Variants in OR6C3 observed in about 807,000 individuals in gnomAD.
OR6C3 encodes olfactory receptor 6C3.
For missense variants in OR6C3, 487 were observed against 364.6 expected (o/e 1.34, Z -2.73); for synonymous variants, 177 against 137.4 (o/e 1.29, Z -2.02).
At position 55,332,565 on chromosome 12, in the gene OR6C3, C is replaced by T. The variant is rs1193896664; in HGVS notation, c.865C>T (p.Leu289=). The T allele has an allele frequency of 6.2e-7, 1 of 1,612,236 alleles. No homozygotes were observed. Residue 289 remains leucine, a synonymous_variant, in exon 2 of 2, where the codon CTG becomes TTG. Coordinates refer to ENST00000641740, the MANE Select transcript of OR6C3 (RefSeq NM_001388498.1). ...APMLNPFIYT[L]RNQQVKQAFK... is the part of the protein sequence containing the mutation. ...CATGCTGAACCCCTTCATTTACACT[C>T]TGAGAAACCAGCAAGTAAAACAAGC...
rs1314177003 is a variant in OR6C3 at position 55,332,240 on chromosome 12, C to T, written c.540C>T (p.Pro180=). ...ATCACTTTGCATGTGACTATTTTCC[C>T]CTCTTACAACTATCTTGTTCAGATA... ...VIDHFACDYF[P]LLQLSCSDTW... Residue 180 remains proline, a synonymous_variant, in exon 2 of 2, where the codon CCC becomes CCT. Transcript: ENST00000641740. The T allele has an allele frequency of 6.2e-7, 1 of 1,614,076 alleles. No homozygotes were observed. The highest frequency in any genetic ancestry group is 1.7e-5 in the Admixed American group (1 of 60,020).
chr12:55,331,737 G>A lies in OR6C3; in HGVS notation c.37G>A (p.Gly13Ser), dbSNP rs1231190801. The A allele has an allele frequency of 1.9e-6, 3 of 1,613,596 alleles. No homozygotes were observed. The highest frequency in any genetic ancestry group is 2.5e-6 in the Non-Finnish European group (3 of 1,179,706). The change falls in exon 2 of 2, where the codon GGC becomes AGC. Residue 13 changes from glycine (G) to serine (S), a missense_variant. Transcript: ENST00000641740. The part of the protein sequence containing the change: ...HTMVTEFVLL[G>S]LSDDPDLQIV... ...AATGGTCACAGAGTTTGTCCTCCTG[G>A]GCCTTTCTGATGATCCTGACCTTCA...
chr12:55,332,250 C>T lies in OR6C3; in HGVS notation c.550C>T (p.Leu184=), dbSNP rs757938669. 1 of 1,613,994 alleles carries T rather than the reference C, an allele frequency of 6.2e-7. No homozygotes were observed. Among genetic ancestry groups the T allele is most frequent in the African/African-American group, 1.3e-5 (1 of 74,932 alleles). Reference sequence around the variant, plus strand: ...ATGTGACTATTTTCCCCTCTTACAACTATCTTGTTCAGATACATGGCTCCT... The same window carrying T: ...ATGTGACTATTTTCCCCTCTTACAATTATCTTGTTCAGATACATGGCTCCT... ...FACDYFPLLQ[L]SCSDTWLLEV... is the part of the protein sequence containing the mutation. Residue 184 remains leucine, a synonymous_variant, in exon 2 of 2, where the codon CTA becomes TTA. Coordinates refer to ENST00000641740, the MANE Select transcript of OR6C3 (RefSeq NM_001388498.1).
rs762156149 is a variant in OR6C3, at chr12:55,332,110, T to C, written c.410T>C (p.Leu137Pro). 6.2e-6 allele frequency: 10 copies of C among 1,614,180 alleles called. No individual in the cohort carries two copies. In the South Asian group the frequency reaches 1.1e-4, roughly 18 times the overall value. ...LHYTSIMNRK[L>P]CTLLVLCAWL... is the part of the protein sequence containing the mutation. ...TACACATCCATCATGAACAGGAAAC[T>C]CTGCACTCTACTTGTGCTGTGTGCC... is the stretch of plus-strand genomic sequence containing the variant. The change falls in exon 2 of 2, where the codon CTC becomes CCC. Residue 137 changes from leucine to proline, a missense_variant. Transcript: ENST00000641740.
chr12:55,332,299 C>T lies in OR6C3; in HGVS notation c.599C>T (p.Ala200Val), dbSNP rs771109423. 9.9e-6 allele frequency: 16 copies of T among 1,613,984 alleles called. No individual in the cohort carries two copies. In the South Asian group the frequency reaches 1.5e-4, roughly 16 times the overall value. The change falls in exon 2 of 2, where the codon GCT (alanine) becomes GTT (valine). Residue 200 changes from alanine (A) to valine (V), a missense_variant. Ala to Val is a moderately conservative substitution (Grantham distance 64). Transcript: ENST00000641740. ...CTAGAAGTAATTGGTTTTTACTTTG[C>T]TTTGGTTACTTTGCTGTTCACTTTG... ...WLLEVIGFYF[A>V]LVTLLFTLAL... is the part of the protein sequence containing the mutation.
intron 1 of OR6C3, among the ~76,000 whole-genome samples, 197 bp downstream of exon 1, chr12:55,331,004 C>T (rs575530022): frequency 4.0e-5 from 6 of 151,554 alleles, no homozygotes; most frequent in African/African-American, 1.5e-4. Context: ...GAACATGTTC[C>T]CTATTTGTTG....
In OR6C3 at chr12:55,332,257, G is replaced by A. The variant is rs1444405782; in HGVS notation, c.557G>A (p.Cys186Tyr). Residue 186 changes from cysteine to tyrosine, a missense_variant, in exon 2 of 2, where the codon TGT becomes TAT. Coordinates refer to ENST00000641740, the MANE Select transcript of OR6C3 (RefSeq NM_001388498.1). ...TATTTTCCCCTCTTACAACTATCTT[G>A]TTCAGATACATGGCTCCTAGAAGTA... ...CDYFPLLQLS[C>Y]SDTWLLEVIG... 5 of 1,613,898 alleles carry A rather than the reference G, an allele frequency of 3.1e-6. No individual in the cohort carries two copies. The highest frequency in any genetic ancestry group is 1.7e-5 in the Admixed American group (1 of 60,002).
intron 1 of OR6C3, 146 bp from the exon 2 acceptor site, chr12:55,331,511 T>A (rs1418117226): frequency 3.5e-5 from 17 of 482,458 alleles, no homozygotes; most frequent in Non-Finnish European, 5.1e-5. Context: ...TAGAAAAAAA[T>A]ATTAAAACAT....
upstream of OR6C3, among the ~76,000 whole-genome samples, chr12:55,330,565 T>C (rs530615783): frequency 2.6e-5 from 4 of 152,290 alleles, no homozygotes; most frequent in South Asian, 6.2e-4. Context: ...ATCTATAGAA[T>C]AGAACATCCA....
intron 1 of OR6C3, among the ~76,000 whole-genome samples, chr12:55,331,206 GAAT>G (rs1868830850): frequency 6.6e-6 from 1 of 151,506 alleles, no homozygotes; most frequent in Non-Finnish European, 1.5e-5. Flanking sequence ...ATCATAAAAA[GAAT>G]AATGGGTTAT....
chr12:55,332,455 G>A lies in OR6C3; in HGVS notation c.755G>A (p.Cys252Tyr), dbSNP rs1398139522. ...MIVISISYGSCIFMYANPSAK... is the reference protein window; with the variant it reads ...MIVISISYGSYIFMYANPSAK... ...GTCATTTCCATTTCTTATGGAAGCT[G>A]TATATTCATGTATGCTAATCCATCT... The change falls in exon 2 of 2, where the codon TGT becomes TAT. Residue 252 changes from cysteine to tyrosine, a missense_variant. Physicochemically the swap from Cys to Tyr is radical, Grantham distance 194. Coordinates refer to ENST00000641740, the MANE Select transcript of OR6C3 (RefSeq NM_001388498.1). The A allele has an allele frequency of 3.1e-6, 5 of 1,613,820 alleles. No individual in the cohort carries two copies. Among genetic ancestry groups the A allele is most frequent in the South Asian group, 1.1e-5 (1 of 91,078 alleles).
rs375734779 is a variant in OR6C3 at position 55,331,719 on chromosome 12, A to G, written c.19A>G (p.Thr7Ala). The G allele has an allele frequency of 1.4e-5, 22 of 1,612,400 alleles. No individual in the cohort carries two copies. The highest frequency in any genetic ancestry group is 1.9e-5 in the Non-Finnish European group (22 of 1,178,792). The change falls in exon 2 of 2, where the codon ACA becomes GCA. Residue 7 changes from threonine (T) to alanine (A), a missense_variant. By Grantham distance (58) the Thr-to-Ala change is moderately conservative. Coordinates refer to ENST00000641740, the MANE Select transcript of OR6C3 (RefSeq NM_001388498.1). MNHTMV[T>A]EFVLLGLSDD... The stretch of plus-strand genomic sequence containing the variant: ...ACGAGACATGAACCACACAATGGTC[A>G]CAGAGTTTGTCCTCCTGGGCCTTTC...
intron 1 of OR6C3, among the ~76,000 whole-genome samples, chr12:55,331,159 T>C (rs557515577): frequency 4.2e-4 from 63 of 151,628 alleles, no homozygotes; most frequent in African/African-American, 1.4e-3. Flanking sequence ...TATAAATATA[T>C]GTTTTATTTG....
Position 55,331,780 on chromosome 12 carries a change from T to A in OR6C3, c.80T>A (p.Phe27Tyr). 2 of 1,613,902 alleles carry A rather than the reference T, an allele frequency of 1.2e-6. No homozygotes were observed. Among genetic ancestry groups the A allele is most frequent in the Non-Finnish European group, 1.7e-6 (2 of 1,179,806 alleles). Residue 27 changes from phenylalanine to tyrosine, a missense_variant, in exon 2 of 2, where the codon TTT (phenylalanine) becomes TAT (tyrosine). Phe to Tyr is a conservative substitution (Grantham distance 22). Transcript: ENST00000641740. ...DPDLQIVIFL[F>Y]LFITYILSVT... ...GACCTTCAGATTGTGATTTTTCTCTTTTTATTTATCACGTATATATTAAGT... is the reference window on the plus strand; with the variant it reads ...GACCTTCAGATTGTGATTTTTCTCTATTTATTTATCACGTATATATTAAGT...
At position 55,331,783 on chromosome 12, in the gene OR6C3, T is replaced by TA; in HGVS notation, c.84dup (p.Phe29IlefsTer59). On this transcript the variant is annotated frameshift_variant, in exon 2 of 2. Transcript: ENST00000641740. LOFTEE classifies it low-confidence loss of function (END_TRUNC). ...CTTCAGATTGTGATTTTTCTCTTTT[T>TA]ATTTATCACGTATATATTAAGTGTT... The TA allele has an allele frequency of 6.2e-7, 1 of 1,613,828 alleles. No homozygotes were observed. Among genetic ancestry groups the TA allele is most frequent in the South Asian group, 1.1e-5 (1 of 91,068 alleles).
chr12:55,330,993 C>T lies in OR6C3; in HGVS notation c.-45+186C>T, dbSNP rs183880689. Among the ~76,000 whole-genome samples the T allele has an allele frequency of 4.4e-3, 669 of 151,748 alleles. 3 individuals carry two copies. Among genetic ancestry groups the T allele is most frequent in the African/African-American group, 0.015 (635 of 41,424 alleles). ...ATTATAAGACAAACCAATAAGTAAGCGAACATGTTCCCTATTTGTTGAGTA... is the reference window on the plus strand; with the variant it reads ...ATTATAAGACAAACCAATAAGTAAGTGAACATGTTCCCTATTTGTTGAGTA... On this transcript the variant is annotated intron_variant, in intron 1 of 1. Transcript: ENST00000641740.
chr12:55,331,571 T>C (rs1194085985), intron 1 of OR6C3, 86 bp from the exon 2 acceptor site: 3 of 597,316 alleles, frequency 5.0e-6, no homozygotes, highest in African/African-American at 3.7e-5. Context: ...ATTTTTAGAA[T>C]TGTATTGATA....
rs147134764 is a variant in OR6C3 at position 55,332,574 on chromosome 12, C to G, written c.874C>G (p.Gln292Glu). The change falls in exon 2 of 2, where the codon CAG becomes GAG. Residue 292 changes from glutamine (Q) to glutamate (E), a missense_variant. Coordinates refer to ENST00000641740, the MANE Select transcript of OR6C3 (RefSeq NM_001388498.1). ...LNPFIYTLRN[Q>E]QVKQAFKNVV... is the part of the protein sequence containing the mutation. ...CCCCTTCATTTACACTCTGAGAAACCAGCAAGTAAAACAAGCCTTCAAAAA... is the reference window on the plus strand; with the variant it reads ...CCCCTTCATTTACACTCTGAGAAACGAGCAAGTAAAACAAGCCTTCAAAAA... 6.8e-6 allele frequency: 11 copies of G among 1,611,178 alleles called. No individual in the cohort carries two copies.
chr12:55,331,185 T>C (rs1868829758), intron 1 of OR6C3, among the ~76,000 whole-genome samples: 2 of 151,736 alleles, frequency 1.3e-5, no homozygotes, highest in Non-Finnish European at 2.9e-5. Context: ...AATCTTTAAT[T>C]GGTTTCTCAT....
Sources: allele counts gnomAD v4.1 joint callset (sites outside exome capture counted in the v4.1 genomes callset), GRCh38; gene constraint gnomAD v4.1.1; transcripts MANE v1.5; gene names NCBI Gene and HGNC (gene_info 2026-07-23, HGNC 2026-07-21).